DSCAM: variants seen among roughly 807,000 people sequenced by gnomAD.
DSCAM encodes DS cell adhesion molecule.
Under a neutral mutation model 217.7 loss-of-function variants are expected in DSCAM, and 47 were observed. The observed-to-expected ratio is 0.22, with a 90% confidence interval of 0.17 to 0.28. DSCAM has a LOEUF of 0.28. Among genes scored for constraint, DSCAM ranks in the 10% least tolerant of loss-of-function variants. The pLI is 1.00. For missense variants in DSCAM, 2,080 were observed against 2,618.3 expected, an observed-to-expected ratio of 0.79 and a Z score of 4.49; for synonymous variants, 1,056 against 1,015.3, an observed-to-expected ratio of 1.04 and a Z score of -0.76.
chr21:40,189,804 C>G (rs1452228483), intron 11 of DSCAM, among the ~76,000 whole-genome samples: 1 of 152,150 alleles, frequency 6.6e-6, no homozygotes, highest in African/African-American at 2.4e-5. Flanking sequence ...TGAGGCCTCC[C>G]CAGCCACATG....
At chr21:40,403,351 G>T (rs2075254198) in intron 3 of DSCAM, among the ~76,000 whole-genome samples, 2 of 150,432 alleles carry the variant, frequency 1.3e-5, no homozygotes, top group South Asian at 4.2e-4. Context: ...AGGCTGGAGT[G>T]CAGTGATGCA....
chr21:40,413,486 G>T (rs2075341948), intron 3 of DSCAM, among the ~76,000 whole-genome samples: 1 of 152,190 alleles, frequency 6.6e-6, no homozygotes, highest in Admixed American at 6.5e-5. Context: ...TTTAAGATTT[G>T]ACTGCCCTAC....
chr21:40,423,472 A>G (rs1188196070), intron 3 of DSCAM, among the ~76,000 whole-genome samples: 1 of 152,214 alleles, frequency 6.6e-6, no homozygotes, highest in Non-Finnish European at 1.5e-5. Flanking sequence ...TCCTAAGCGA[A>G]GAGTCATGGG....
intron 3 of DSCAM, among the ~76,000 whole-genome samples, chr21:40,680,061 G>A (rs1250307450): frequency 2.0e-5 from 3 of 152,160 alleles, no homozygotes; most frequent in African/African-American, 7.2e-5. Context: ...CAAGCACTGT[G>A]CTAAGAACTT....
intron 3 of DSCAM, among the ~76,000 whole-genome samples, chr21:40,643,260 G>A (rs1459332773): frequency 6.6e-6 from 1 of 152,150 alleles, no homozygotes; most frequent in Non-Finnish European, 1.5e-5. Flanking sequence ...CATTTGGGTG[G>A]CCTTCAGGAA....
At chr21:40,828,805 G>A (rs548125752) in intron 1 of DSCAM, among the ~76,000 whole-genome samples, 1 of 152,212 alleles carries the variant, frequency 6.6e-6, no homozygotes, top group South Asian at 2.1e-4. Flanking sequence ...ACAGGCACAT[G>A]CCACCACACC....
At chr21:40,636,475 A>T (rs934435032) in intron 3 of DSCAM, among the ~76,000 whole-genome samples, 2 of 152,086 alleles carry the variant, frequency 1.3e-5, no homozygotes, top group Non-Finnish European at 2.9e-5. Context: ...GTTATATTTG[A>T]TCATCACCAA....
In DSCAM at chr21:40,479,542, G is replaced by A. The variant is rs969470627; in HGVS notation, c.509-110297C>T. 7.9e-5 allele frequency among the ~76,000 whole-genome samples: 12 copies of A among 152,286 alleles called. No individual in the cohort carries two copies. In the East Asian group the frequency reaches 2.3e-3, roughly 29 times the overall value. ...ACAATCATGGCAGAAGGCAAAGGAG[G>A]AGCAAAGGCATGTCTTACATGGCAG... On this transcript the variant is annotated intron_variant, in intron 3 of 32. Coordinates refer to ENST00000400454, the MANE Select transcript of DSCAM (RefSeq NM_001389.5).
chr21:40,525,834 G>T (rs77707947), intron 3 of DSCAM, among the ~76,000 whole-genome samples: 2,609 of 152,270 alleles, frequency 0.017, 60 homozygotes, highest in African/African-American at 0.04. Flanking sequence ...GAAAACCCCT[G>T]TGGCCTTCCA....
In DSCAM at chr21:40,040,231, T is replaced by C. The variant is rs190509617; in HGVS notation, c.5686+2140A>G. Among the ~76,000 whole-genome samples the C allele has an allele frequency of 3.1e-3, 468 of 152,340 alleles. 5 individuals carry two copies. The highest frequency in any genetic ancestry group is 0.011 in the African/African-American group (457 of 41,584). On this transcript the variant is annotated intron_variant, in intron 32 of 32. Coordinates refer to ENST00000400454, the MANE Select transcript of DSCAM (RefSeq NM_001389.5). ...TTAAGAGATTATTCAAACCTATATTTATAAAATCATTTTACTCTGAATAGT... is the reference window on the plus strand; with the variant it reads ...TTAAGAGATTATTCAAACCTATATTCATAAAATCATTTTACTCTGAATAGT...
chr21:40,548,999 T>C (rs1441516421), intron 3 of DSCAM, among the ~76,000 whole-genome samples: 1 of 151,822 alleles, frequency 6.6e-6, no homozygotes, highest in African/African-American at 2.4e-5. Context: ...AGCTCAGGAG[T>C]TCGAGACCAG....
chr21:40,373,995 A>G lies in DSCAM; in HGVS notation c.509-4750T>C, dbSNP rs373329881. ...TAGTCATGCATCTACTGCACAGCAG[A>G]GTGACTAAGCTGAATAATAATGTAT... is the stretch of plus-strand genomic sequence containing the variant. On this transcript the variant is annotated intron_variant, in intron 3 of 32. Coordinates refer to ENST00000400454, the MANE Select transcript of DSCAM (RefSeq NM_001389.5). Among the ~76,000 whole-genome samples, 6 of 152,338 alleles carry G rather than the reference A, an allele frequency of 3.9e-5. 1 individual carries two copies. In the East Asian group the frequency reaches 1.2e-3, roughly 29 times the overall value.
chr21:40,348,444 C>T (rs905302567), intron 5 of DSCAM, among the ~76,000 whole-genome samples: 3 of 152,086 alleles, frequency 2.0e-5, no homozygotes, highest in African/African-American at 7.3e-5. Flanking sequence ...AATCATACCC[C>T]ATACGGTTCC....
intron 3 of DSCAM, among the ~76,000 whole-genome samples, chr21:40,537,888 G>T (rs1174266395): frequency 6.6e-6 from 1 of 152,106 alleles, no homozygotes; most frequent in Non-Finnish European, 1.5e-5. Flanking sequence ...ACAAACCAAC[G>T]CTTCCCAAGC....
At chr21:40,101,793 G>C (rs116542231) in intron 20 of DSCAM, among the ~76,000 whole-genome samples, 19 of 151,920 alleles carry the variant, frequency 1.3e-4, no homozygotes, top group East Asian at 3.9e-4. Flanking sequence ...TGGTGGGGGG[G>C]GGTCCAGGCA....
chr21:40,283,887 A>C (rs1489905944), intron 10 of DSCAM, among the ~76,000 whole-genome samples: 2 of 152,120 alleles, frequency 1.3e-5, no homozygotes, highest in African/African-American at 4.8e-5. Context: ...ATAAGACTGA[A>C]GAGTCGCAGG....
At chr21:40,408,957 C>T (rs558192353) in intron 3 of DSCAM, among the ~76,000 whole-genome samples, 75 of 152,264 alleles carry the variant, frequency 4.9e-4, no homozygotes, top group African/African-American at 1.8e-3. Context: ...TCTGACCTAT[C>T]CAGGTGTTTA....
intron 8 of DSCAM, among the ~76,000 whole-genome samples, chr21:40,335,994 G>T (rs1295164351): frequency 6.6e-6 from 1 of 152,170 alleles, no homozygotes. Flanking sequence ...AAAAATGCCA[G>T]ATTCACTTAC....
intron 20 of DSCAM, among the ~76,000 whole-genome samples, chr21:40,115,289 T>A (rs1017153567): frequency 2.0e-5 from 3 of 152,048 alleles, no homozygotes; most frequent in African/African-American, 7.2e-5. Flanking sequence ...CTGGAAACCA[T>A]CATTCTGAGC....
Sources: allele counts gnomAD v4.1 joint callset (sites outside exome capture counted in the v4.1 genomes callset), GRCh38; gene constraint gnomAD v4.1.1; transcripts MANE v1.5; gene names NCBI Gene and HGNC (gene_info 2026-07-23, HGNC 2026-07-21).